Variants in TAMM41 observed in about 807,000 individuals in gnomAD.
The protein encoded by TAMM41 is TAM41 mitochondrial translocator assembly and maintenance homolog.
TAMM41 carries 36 observed loss-of-function variants against 44.1 expected under a neutral mutation model. That is an observed-to-expected ratio of 0.82 (90% confidence interval 0.63 to 1.08). The LOEUF (loss-of-function observed/expected upper bound fraction) is 1.08, where lower values mean the gene tolerates loss of function less well. TAMM41 is among the 50% of genes least tolerant of loss of function. The pLI is 0.00. For missense variants in TAMM41, 417 were observed against 404.3 expected (o/e 1.03, Z -0.27); for synonymous variants, 164 against 153.1 (o/e 1.07, Z -0.53).
In TAMM41 at chr3:11,816,521, T is replaced by C. The variant is rs541672721; in HGVS notation, c.708+671A>G. The stretch of plus-strand genomic sequence containing the variant: ...GCTCATCCCTATAATCCCAGTACTT[T>C]TGGACGCTGGGGCGGGCAGACTGCT... On this transcript the variant is annotated intron_variant, in intron 5 of 7. Coordinates refer to ENST00000455809, the MANE Select transcript of TAMM41 (RefSeq NM_001284401.2). Among the ~76,000 whole-genome samples, 109 of 152,250 alleles carry C rather than the reference T, an allele frequency of 7.2e-4. 2 individuals carry two copies. The highest frequency in any genetic ancestry group is 6.9e-3 in the Admixed American group (105 of 15,286).
At chr3:11,753,820 G>A in the TAMM41 span, among the ~76,000 whole-genome samples, 1 of 152,086 alleles carries the variant, frequency 6.6e-6, no homozygotes, top group African/African-American at 2.4e-5. Flanking sequence ...TGTGCTTGGT[G>A]CACCCCAATA....
At chr3:11,775,202 A>AT in the TAMM41 span, among the ~76,000 whole-genome samples, 3 of 67,564 alleles carry the variant, frequency 4.4e-5, no homozygotes, top group Non-Finnish European at 8.2e-5. Context: ...TTGTACAGGC[A>AT]TTTTTTTTGG....
chr3:11,763,356 G>T, the TAMM41 span, among the ~76,000 whole-genome samples: 1 of 152,162 alleles, frequency 6.6e-6, no homozygotes, highest in African/African-American at 2.4e-5. Context: ...TGCCCAGGCT[G>T]GTCTTGAACT....
chr3:11,756,407 C>T, the TAMM41 span, among the ~76,000 whole-genome samples: 24,858 of 152,244 alleles, frequency 0.16, 2,209 homozygotes, highest in Non-Finnish European at 0.2. Flanking sequence ...TGTGCCTGAC[C>T]TTCACGAGCT....
chr3:11,784,536 A>G, the TAMM41 span, among the ~76,000 whole-genome samples: 1 of 152,140 alleles, frequency 6.6e-6, no homozygotes, highest in Non-Finnish European at 1.5e-5. Context: ...AAAGGTAGGC[A>G]TATTTCCTTC....
At chr3:11,772,591 T>A in the TAMM41 span, among the ~76,000 whole-genome samples, 7 of 152,288 alleles carry the variant, frequency 4.6e-5, no homozygotes, top group African/African-American at 1.7e-4. Context: ...CTTTATCTGA[T>A]CCTTGGTTGA....
the TAMM41 span, among the ~76,000 whole-genome samples, chr3:11,763,118 A>C: frequency 6.6e-6 from 1 of 152,178 alleles, no homozygotes; most frequent in African/African-American, 2.4e-5. Flanking sequence ...CTCTTTTGCC[A>C]ATTGGAAATC....
At chr3:11,759,522 A>C in the TAMM41 span, among the ~76,000 whole-genome samples, 6 of 152,008 alleles carry the variant, frequency 3.9e-5, no homozygotes, top group Non-Finnish European at 7.4e-5. Context: ...CACTGGAATA[A>C]AGACACCTGG....
At chr3:11,807,618 C>T (rs2077955272) in intron 7 of TAMM41, 1 of 1,536,078 alleles carries the variant, frequency 6.5e-7, no homozygotes, top group Non-Finnish European at 8.7e-7. Flanking sequence ...GGCAGTAAAG[C>T]TTCCAACAGC....
At chr3:11,744,673 C>A in the TAMM41 span, among the ~76,000 whole-genome samples, 1 of 151,246 alleles carries the variant, frequency 6.6e-6, no homozygotes, top group African/African-American at 2.4e-5. Context: ...CCAGCCTAGG[C>A]GACAGAGCAA....
intron 4 of TAMM41, among the ~76,000 whole-genome samples, chr3:11,823,773 G>A (rs557261722): frequency 6.9e-6 from 1 of 145,336 alleles, no homozygotes; most frequent in South Asian, 2.2e-4. Flanking sequence ...CTGTTCTCCT[G>A]CCTCAGCCTC....
At chr3:11,807,655 C>A (rs575112750) in intron 7 of TAMM41, 178 bp downstream of exon 7, 2 of 1,536,316 alleles carry the variant, frequency 1.3e-6, no homozygotes, top group Non-Finnish European at 1.7e-6. Flanking sequence ...CATTGTTCGA[C>A]CACCAGGTTC....
chr3:11,808,733 T>C (rs2077994958), intron 6 of TAMM41: 1 of 639,788 alleles, frequency 1.6e-6, no homozygotes, highest in Non-Finnish European at 1.9e-6. Flanking sequence ...CTTTTTTTTG[T>C]TTGTTTTTTA....
chr3:11,787,210 T>C (rs1052375697), downstream of TAMM41, among the ~76,000 whole-genome samples: 7 of 152,170 alleles, frequency 4.6e-5, no homozygotes, highest in Non-Finnish European at 8.8e-5. Context: ...TTGGAAGTCA[T>C]AGAGCATCTC....
At chr3:11,742,932 A>G in the TAMM41 span, among the ~76,000 whole-genome samples, 9 of 151,926 alleles carry the variant, frequency 5.9e-5, no homozygotes, top group African/African-American at 2.2e-4. Flanking sequence ...ATGACTGGGG[A>G]GCTCTCTCCC....
intron 4 of TAMM41, among the ~76,000 whole-genome samples, chr3:11,824,735 A>G (rs952753353): frequency 6.6e-6 from 1 of 152,204 alleles, no homozygotes; most frequent in Non-Finnish European, 1.5e-5. Context: ...ATACTATTGG[A>G]AGCATCCAAA....
intron 7 of TAMM41, among the ~76,000 whole-genome samples, chr3:11,791,371 G>T (rs1462419467): frequency 1.3e-5 from 2 of 152,196 alleles, no homozygotes; most frequent in African/African-American, 4.8e-5. Flanking sequence ...CTCTCCGGGG[G>T]CTTAGGGGAA....
chr3:11,725,771 T>C, the TAMM41 span, among the ~76,000 whole-genome samples: 1 of 152,022 alleles, frequency 6.6e-6, no homozygotes, highest in Non-Finnish European at 1.5e-5. Flanking sequence ...TCCATAGAAA[T>C]GATTGCCGGC....
Position 11,829,876 on chromosome 3 carries a change from A to C in TAMM41, c.412-12T>G, listed in dbSNP as rs777333859. ...GAGATAATTTTCACCTGAAAGAAGC[A>C]GAACATTGGGAAGAAAAATTCCAGA... On this transcript the variant is annotated splice_polypyrimidine_tract_variant and intron_variant, in intron 3 of 7. Transcript: ENST00000455809. 2.5e-6 allele frequency: 4 copies of C among 1,613,402 alleles called. No individual in the cohort carries two copies. The Admixed American group carries it at 5.0e-5, about 20-fold the overall frequency.
Sources: gnomAD v4.1 joint callset for allele counts (sites outside exome capture counted in the v4.1 genomes callset) on GRCh38, gnomAD v4.1.1 for gene constraint, MANE v1.5 for transcripts, NCBI Gene and HGNC (gene_info 2026-07-23, HGNC 2026-07-21) for gene names.